The following KRT75 variants were observed in gnomAD, a reference collection of about 807,000 sequenced individuals.
KRT75 encodes keratin 75.
In KRT75, 35 loss-of-function variants were observed where a neutral mutation model predicts 48.8. The observed-to-expected ratio is 0.72, with a 90% confidence interval of 0.55 to 0.95. The LOEUF (loss-of-function observed/expected upper bound fraction) is 0.95, where lower values mean the gene tolerates loss of function less well. KRT75 is among the 40% of genes least tolerant of loss of function. The pLI is 0.00. For synonymous variants in KRT75, 301 were observed against 282.3 expected, an observed-to-expected ratio of 1.07 and a Z score of -0.66; for missense variants, 776 against 709.9, an observed-to-expected ratio of 1.09 and a Z score of -1.06.
chr12:52,429,107 G>A (rs1465477338), intron 5 of KRT75, among the ~76,000 whole-genome samples: 1 of 152,160 alleles, frequency 6.6e-6, no homozygotes, highest in African/African-American at 2.4e-5. Context: ...GTGACCAGTT[G>A]TGGGGGAGAA....
chr12:52,427,257 G>A (rs925862281), intron 7 of KRT75, among the ~76,000 whole-genome samples: 4 of 152,230 alleles, frequency 2.6e-5, no homozygotes, highest in African/African-American at 9.6e-5. Context: ...ATATAGGTGT[G>A]GAGAGGCGTC....
chr12:52,430,336 C>T (rs1940126767), intron 5 of KRT75, among the ~76,000 whole-genome samples: 1 of 152,048 alleles, frequency 6.6e-6, no homozygotes, highest in Non-Finnish European at 1.5e-5. Context: ...GTCCTGAGCT[C>T]CCAGCATTGG....
At chr12:52,426,187 ACTT>A (rs1380572848) in intron 8 of KRT75, among the ~76,000 whole-genome samples, 1 of 152,172 alleles carries the variant, frequency 6.6e-6, no homozygotes, top group Admixed American at 6.5e-5. Flanking sequence ...GCGAATGACC[ACTT>A]CTTCTCTCAC....
chr12:52,425,173 C>T (rs114723814), intron 8 of KRT75, among the ~76,000 whole-genome samples: 2,330 of 152,254 alleles, frequency 0.015, 65 homozygotes, highest in African/African-American at 0.053. Context: ...CTCAGAATCC[C>T]AGGGTGGAGG....
rs1450144196 is a variant in KRT75, at chr12:52,431,698, G to T, written c.775-60C>A. On this transcript the variant is annotated intron_variant, in intron 3 of 8. Transcript: ENST00000252245. ...GCAGCCCCAAGTATCTAGTCCAAAA[G>T]AAGCTGAGCAGATTTCTCCCCAGCC... is the stretch of plus-strand genomic sequence containing the variant. 20 of 1,261,008 alleles carry T rather than the reference G, an allele frequency of 1.6e-5. No homozygotes were observed. The Admixed American group carries it at 3.4e-4, about 21-fold the overall frequency. The allele number at this position is 1,261,008 out of a possible 1,614,324, so 78.1% of individuals were successfully genotyped here.
At chr12:52,429,102 C>G (rs949257036) in intron 5 of KRT75, among the ~76,000 whole-genome samples, 3 of 152,064 alleles carry the variant, frequency 2.0e-5, no homozygotes, top group South Asian at 4.2e-4. Context: ...CCTAAGTGAC[C>G]AGTTGTGGGG....
At position 52,424,465 on chromosome 12, in the gene KRT75, G is replaced by T; in HGVS notation, c.*52C>A. The T allele has an allele frequency of 6.7e-7, 1 of 1,487,774 alleles. No homozygotes were observed. The highest frequency in any genetic ancestry group is 1.4e-5 in the African/African-American group (1 of 72,640). 92.2% of individuals were successfully genotyped at this position (1,487,774 alleles called of 1,614,324 possible). ...GAAGGAGGAGGACCCTGGTGTCCAG[G>T]TGTGACTGCAAACAGGCCTCAAGGC... is the stretch of plus-strand genomic sequence containing the variant. On this transcript the variant is annotated 3_prime_UTR_variant, in exon 9 of 9. Transcript: ENST00000252245.
chr12:52,427,674 A>G (rs1381735093), intron 7 of KRT75, among the ~76,000 whole-genome samples: 1 of 152,088 alleles, frequency 6.6e-6, no homozygotes, highest in Admixed American at 6.6e-5. Flanking sequence ...CCTTATTTTA[A>G]CCCTTTTAAT....
In KRT75 at chr12:52,434,070, T is replaced by C; in HGVS notation, c.235A>G (p.Ser79Gly). ...CTGCCACCAAAGCCACTTCGGCAGC[T>C]GCTGCCACACCCATTGATGGAGACC... ...KRVSINGCGSSCRSGFGGRAS... is the reference protein window; with the variant it reads ...KRVSINGCGSGCRSGFGGRAS... Residue 79 changes from serine (S) to glycine (G), a missense_variant, in exon 1 of 9, where the codon AGC becomes GGC. Physicochemically the swap from Ser to Gly is moderately conservative, Grantham distance 56 (BLOSUM62 0). Coordinates refer to ENST00000252245, the MANE Select transcript of KRT75 (RefSeq NM_004693.3). 4 of 1,614,148 alleles carry C rather than the reference T, an allele frequency of 2.5e-6. No homozygotes were observed. The highest frequency in any genetic ancestry group is 3.4e-6 in the Non-Finnish European group (4 of 1,180,022).
At chr12:52,429,620 G>A (rs962724467) in intron 5 of KRT75, among the ~76,000 whole-genome samples, 3 of 152,144 alleles carry the variant, frequency 2.0e-5, no homozygotes, top group Non-Finnish European at 2.9e-5. Flanking sequence ...ATGAGGAATC[G>A]TTTGCTATCG....
Position 52,433,031 on chromosome 12 carries a change from C to T in KRT75, c.713+7G>A. On this transcript the variant is annotated splice_region_variant and intron_variant, in intron 2 of 8. Transcript: ENST00000252245. ...TGTGTGTGGCCAGAAGCCAGTCTCC[C>T]ACTTACCTGACTTTGAAATCTTCCA... 6.2e-7 allele frequency: 1 copy of T among 1,613,856 alleles called. No homozygotes were observed. The highest frequency in any genetic ancestry group is 2.2e-5 in the East Asian group (1 of 44,870).
At position 52,434,057 on chromosome 12, in the gene KRT75, C is replaced by A; in HGVS notation, c.248G>T (p.Gly83Val). The A allele has an allele frequency of 6.2e-7, 1 of 1,614,178 alleles. No homozygotes were observed. Among genetic ancestry groups the A allele is most frequent in the Non-Finnish European group, 8.5e-7 (1 of 1,180,030 alleles). The change falls in exon 1 of 9, where the codon GGC becomes GTC. Residue 83 changes from glycine to valine, a missense_variant. Transcript: ENST00000252245. ...CCTGTTGCTGGCCCTGCCACCAAAGCCACTTCGGCAGCTGCTGCCACACCC... is the reference window on the plus strand; with the variant it reads ...CCTGTTGCTGGCCCTGCCACCAAAGACACTTCGGCAGCTGCTGCCACACCC... ...INGCGSSCRS[G>V]FGGRASNRFG...
intron 4 of KRT75, among the ~76,000 whole-genome samples, chr12:52,431,134 G>C (rs1940139139): frequency 6.6e-6 from 1 of 151,236 alleles, no homozygotes; most frequent in Non-Finnish European, 1.5e-5. Flanking sequence ...GTAGCGCCCA[G>C]AATGAGGCAT....
intron 8 of KRT75, among the ~76,000 whole-genome samples, chr12:52,425,782 G>T (rs1325143669): frequency 6.6e-6 from 1 of 152,190 alleles, no homozygotes; most frequent in Non-Finnish European, 1.5e-5. Flanking sequence ...AGTTTCAGAG[G>T]GACCAGGGCC....
intron 8 of KRT75, 41 bp downstream of exon 8, chr12:52,426,776 C>T (rs1298407664): frequency 6.2e-7 from 1 of 1,605,944 alleles, no homozygotes; most frequent in East Asian, 2.2e-5. Context: ...TCCCCTCTAC[C>T]ACACACACTC....
Position 52,434,213 on chromosome 12 carries a change from C to G in KRT75, c.92G>C (p.Arg31Pro), listed in dbSNP as rs779652925. The G allele has an allele frequency of 1.3e-6, 2 of 1,598,634 alleles. No individual in the cohort carries two copies. The highest frequency in any genetic ancestry group is 4.5e-5 in the East Asian group (2 of 44,700). Residue 31 changes from arginine to proline, a missense_variant, in exon 1 of 9, where the codon CGC becomes CCC. Transcript: ENST00000252245. ...GCGGGCCACAGAGACAGAGCTGAAG[C>G]GGGAGCGGCCAGCTGCCGGGGTGAT... ...SAITPAAGRS[R>P]FSSVSVARSA...
At chr12:52,425,414 C>T (rs1319289768) in intron 8 of KRT75, among the ~76,000 whole-genome samples, 1 of 152,210 alleles carries the variant, frequency 6.6e-6, no homozygotes, top group Non-Finnish European at 1.5e-5. Flanking sequence ...CACCAGTATC[C>T]GTGAATGCAA....
At chr12:52,428,030 C>G (rs535629898) in intron 7 of KRT75, 1 of 604,314 alleles carries the variant, frequency 1.7e-6, no homozygotes, top group South Asian at 1.9e-5. Flanking sequence ...GTTACTTAGA[C>G]CTGATCAGGT....
intron 4 of KRT75, among the ~76,000 whole-genome samples, 164 bp downstream of exon 4, chr12:52,431,379 G>A (rs1423357982): frequency 6.6e-6 from 1 of 152,094 alleles, no homozygotes; most frequent in Non-Finnish European, 1.5e-5. Context: ...GTATGACAAG[G>A]CTCCAAGTGG....
Sources: allele counts gnomAD v4.1 joint callset (sites outside exome capture counted in the v4.1 genomes callset), GRCh38; gene constraint gnomAD v4.1.1; transcripts MANE v1.5; gene names NCBI Gene and HGNC (gene_info 2026-07-23, HGNC 2026-07-21).